The following PKP4 variants were observed in gnomAD, a reference collection of about 807,000 sequenced individuals.
PKP4 encodes plakophilin 4, also known as plakophilin-4.
PKP4 carries 90 observed loss-of-function variants against 145.1 expected under a neutral mutation model. That is an observed-to-expected ratio of 0.62 (90% CI 0.52 to 0.74). The LOEUF is 0.74. PKP4 is among the 30% of genes least tolerant of loss of function. The pLI is 0.00. For synonymous variants in PKP4, 563 were observed against 577.2 expected, an observed-to-expected ratio of 0.98 and a Z score of 0.35; for missense variants, 1,340 against 1,482.7, an observed-to-expected ratio of 0.90 and a Z score of 1.58.
chr2:158,623,470 AC>A (rs1427325324), intron 6 of PKP4, among the ~76,000 whole-genome samples: 1 of 152,022 alleles, frequency 6.6e-6, no homozygotes, highest in East Asian at 1.9e-4. Flanking sequence ...GGTGTCAGCC[AC>A]CACACCCAGC....
At chr2:158,629,879 G>C (rs868046617) in intron 7 of PKP4, among the ~76,000 whole-genome samples, 1 of 152,002 alleles carries the variant, frequency 6.6e-6, no homozygotes, top group African/African-American at 2.4e-5. Context: ...GATTACAGGC[G>C]CCTGCCACCA....
chr2:158,472,424 A>G (rs921311561), intron 1 of PKP4, among the ~76,000 whole-genome samples: 2 of 152,126 alleles, frequency 1.3e-5, no homozygotes, highest in Non-Finnish European at 1.5e-5. Context: ...CCTGGCTAAC[A>G]CGGTGAAACC....
intron 3 of PKP4, among the ~76,000 whole-genome samples, chr2:158,586,816 G>A (rs1222579502): frequency 2.0e-5 from 3 of 152,178 alleles, no homozygotes; most frequent in African/African-American, 7.2e-5. Flanking sequence ...TCACAAGCCA[G>A]TTTCAACTGG....
At chr2:158,568,364 T>G (rs1367917427) in intron 2 of PKP4, among the ~76,000 whole-genome samples, 2 of 152,096 alleles carry the variant, frequency 1.3e-5, no homozygotes, top group Admixed American at 6.5e-5. Context: ...CACAGGTTTC[T>G]AAACCCCACC....
rs2044913293 is a variant in PKP4 at position 158,545,324 on chromosome 2, C to G, written c.132+12008C>G. 2.6e-5 allele frequency among the ~76,000 whole-genome samples: 4 copies of G among 151,908 alleles called. No homozygotes were observed. The South Asian group carries it at 8.3e-4, about 32-fold the overall frequency. On this transcript the variant is annotated intron_variant, in intron 2 of 21. Transcript: ENST00000389759. ...CTGTAATCCCACCAGCAGCAGTGTT[C>G]CCTTTTGTTTGGAAATAAGGACGAG...
At chr2:158,652,782 C>T (rs3771670) in intron 11 of PKP4, among the ~76,000 whole-genome samples, 4,794 of 152,210 alleles carry the variant, frequency 0.031, 211 homozygotes, top group East Asian at 0.18. Context: ...AGAGCTTCAA[C>T]GGGAATGCAC....
chr2:158,674,584 G>T (rs2057844770), intron 19 of PKP4, among the ~76,000 whole-genome samples: 1 of 152,132 alleles, frequency 6.6e-6, no homozygotes, highest in Admixed American at 6.5e-5. Context: ...GGGTCTGTAG[G>T]AATTCCTTTT....
At chr2:158,505,902 G>A (rs1481367367) in intron 1 of PKP4, among the ~76,000 whole-genome samples, 2 of 152,052 alleles carry the variant, frequency 1.3e-5, no homozygotes, top group Non-Finnish European at 2.9e-5. Flanking sequence ...CAGCAGATCT[G>A]GTGAAGAAGA....
At chr2:158,483,413 A>G (rs1056631269) in intron 1 of PKP4, among the ~76,000 whole-genome samples, 1 of 142,578 alleles carries the variant, frequency 7.0e-6, no homozygotes, top group African/African-American at 2.6e-5. Context: ...TGCTTTTATT[A>G]TTGAGGTTTG....
chr2:158,522,972 A>C (rs1320351804), intron 1 of PKP4, among the ~76,000 whole-genome samples: 1 of 152,060 alleles, frequency 6.6e-6, no homozygotes, highest in African/African-American at 2.4e-5. Flanking sequence ...CCTGGCTCGG[A>C]GGGTCCTACG....
chr2:158,667,368 C>A (rs2528589), intron 16 of PKP4, among the ~76,000 whole-genome samples: 79,020 of 151,894 alleles, frequency 0.52, 21,154 homozygotes, highest in East Asian at 0.78. Context: ...AAATGAAAGG[C>A]AACTCCTCAT....
intron 2 of PKP4, among the ~76,000 whole-genome samples, chr2:158,554,422 T>A (rs1420733528): frequency 1.3e-4 from 6 of 46,260 alleles, no homozygotes; most frequent in African/African-American, 3.8e-4. Flanking sequence ...AAATAATTAT[T>A]ATTATTATTT....
At chr2:158,657,406 T>G (rs529920782) in intron 11 of PKP4, among the ~76,000 whole-genome samples, 2 of 152,228 alleles carry the variant, frequency 1.3e-5, no homozygotes, top group Non-Finnish European at 2.9e-5. Flanking sequence ...AATCTTGATA[T>G]GAATTACAAT....
At chr2:158,541,931 G>A (rs2044559654) in intron 2 of PKP4, among the ~76,000 whole-genome samples, 1 of 151,980 alleles carries the variant, frequency 6.6e-6, no homozygotes. Context: ...AACTATTCTG[G>A]CAGAATTAAT....
At chr2:158,460,462 A>G (rs549536106) in intron 1 of PKP4, among the ~76,000 whole-genome samples, 43 of 152,310 alleles carry the variant, frequency 2.8e-4, no homozygotes, top group South Asian at 2.5e-3. Flanking sequence ...ATTATTGGCA[A>G]TTTTTGACCT....
In PKP4 at chr2:158,669,813, C is replaced by T. The variant is rs1214491619; in HGVS notation, c.2822C>T (p.Ala941Val). Residue 941 changes from alanine (A) to valine (V), a missense_variant, in exon 17 of 22, where the codon GCT becomes GTT. Coordinates refer to ENST00000389759, the MANE Select transcript of PKP4 (RefSeq NM_003628.6). ...GAGACCATGGCAGCCATCTGCTGTG[C>T]TCTGCACGAGGTCACCAGCAAAAAC... ...SDETMAAICC[A>V]LHEVTSKNME... 6.2e-7 allele frequency: 1 copy of T among 1,614,100 alleles called. No individual in the cohort carries two copies. Among genetic ancestry groups the T allele is most frequent in the Non-Finnish European group, 8.5e-7 (1 of 1,179,910 alleles).
rs192410969 is a variant in PKP4 at position 158,595,837 on chromosome 2, A to G, written c.246-7233A>G. On this transcript the variant is annotated intron_variant, in intron 3 of 21. Coordinates refer to ENST00000389759, the MANE Select transcript of PKP4 (RefSeq NM_003628.6). Reference sequence around the variant, plus strand: ...TTTGTCATATTTCCTTGGGGAGGGGAAAAAAAAATCCCAGATGCATAATGG... The same window carrying G: ...TTTGTCATATTTCCTTGGGGAGGGGGAAAAAAAATCCCAGATGCATAATGG... Among the ~76,000 whole-genome samples the G allele has an allele frequency of 1.3e-3, 199 of 151,628 alleles. 1 individual carries two copies. Among genetic ancestry groups the G allele is most frequent in the African/African-American group, 4.6e-3 (191 of 41,322 alleles).
intron 2 of PKP4, among the ~76,000 whole-genome samples, chr2:158,557,389 A>T (rs570529647): frequency 1.3e-5 from 2 of 152,344 alleles, no homozygotes; most frequent in Admixed American, 1.3e-4. Context: ...TGAATGAATG[A>T]GCTGGGGTAG....
chr2:158,522,748 C>G (rs933527615), intron 1 of PKP4, among the ~76,000 whole-genome samples: 1 of 152,212 alleles, frequency 6.6e-6, no homozygotes, highest in African/African-American at 2.4e-5. Flanking sequence ...GAGTGCCAGA[C>G]AGTGGGCGCA....
Sources: gnomAD v4.1 joint callset for allele counts (sites outside exome capture counted in the v4.1 genomes callset) on GRCh38, gnomAD v4.1.1 for gene constraint, MANE v1.5 for transcripts, NCBI Gene and HGNC (gene_info 2026-07-23, HGNC 2026-07-21) for gene names.